SMARCA2: variants seen among roughly 807,000 people sequenced by gnomAD.
The protein encoded by SMARCA2 is SWI/SNF-related matrix-associated actin-dependent regulator of chromatin subfamily A member 2.
In SMARCA2, 61 loss-of-function variants were observed where a neutral mutation model predicts 199.8. The ratio of observed to expected loss-of-function variants is 0.31; its 90% confidence interval spans 0.25 to 0.38. SMARCA2 has a LOEUF of 0.38. SMARCA2 is among the 10% of genes least tolerant of loss of function. The pLI, the probability that SMARCA2 is intolerant of heterozygous loss-of-function variation, is 1.00. For missense variants in SMARCA2, 1,344 were observed against 2,012.2 expected (o/e 0.67, Z 6.35); for synonymous variants, 935 against 732.0 (o/e 1.28, Z -4.48).
intron 4 of SMARCA2, chr9:2,040,159 C>A (rs369124450): frequency 9.7e-6 from 7 of 720,364 alleles, no homozygotes; most frequent in Non-Finnish European, 1.3e-5. Context: ...TGTGATTTTG[C>A]GTTCTCTTTG....
At chr9:2,028,920 A>G in intron 1 of SMARCA2, 67 bp from the exon 2 acceptor site, 2 of 1,304,782 alleles carry the variant, frequency 1.5e-6, no homozygotes, top group Non-Finnish European at 1.1e-6. Context: ...AATGCTAACA[A>G]TTGTTTTATT....
At chr9:2,051,153 GAT>G (rs1333242547) in intron 5 of SMARCA2, among the ~76,000 whole-genome samples, 1 of 152,164 alleles carries the variant, frequency 6.6e-6, no homozygotes, top group African/African-American at 2.4e-5. Context: ...CATCAACAAA[GAT>G]ATAATCTTCT....
intron 27 of SMARCA2, among the ~76,000 whole-genome samples, chr9:2,142,668 T>A (rs1411547010): frequency 6.6e-6 from 1 of 152,182 alleles, no homozygotes; most frequent in East Asian, 1.9e-4. Context: ...GATTGTGTAG[T>A]TACTAGTTAA....
rs1334970055 is a variant in SMARCA2, at chr9:2,123,534, G to T, written c.3763-185G>T. 6.6e-6 allele frequency among the ~76,000 whole-genome samples: 1 copy of T among 152,138 alleles called. No homozygotes were observed. Among genetic ancestry groups the T allele is most frequent in the African/African-American group, 2.4e-5 (1 of 41,428 alleles). On this transcript the variant is annotated intron_variant, in intron 26 of 33. Coordinates refer to ENST00000349721, the MANE Select transcript of SMARCA2 (RefSeq NM_003070.5). This position sits in a 1 kb window ranked among gnomAD's most constrained non-coding sequence, Gnocchi z 4.1. The stretch of plus-strand genomic sequence containing the variant: ...AAGGTGGGTACAGAAAAAGGGAGGG[G>T]ATTTTACTTAATGGAATCTCTCCCT...
At position 2,149,667 on chromosome 9, in the gene SMARCA2, G is replaced by T. The variant is rs181888406; in HGVS notation, c.3982-12019G>T. Among the ~76,000 whole-genome samples the T allele has an allele frequency of 3.4e-4, 52 of 151,684 alleles. 1 individual carries two copies. The highest frequency in any genetic ancestry group is 5.2e-4 in the Non-Finnish European group (35 of 67,716). ...TTCGCACAACATGTGGGAATTATGG[G>T]AGTACAATTCAAGATGAGATTTGGG... On this transcript the variant is annotated intron_variant, in intron 27 of 33. Transcript: ENST00000349721.
At chr9:2,133,287 T>G (rs1563791171) in intron 27 of SMARCA2, among the ~76,000 whole-genome samples, 1 of 152,124 alleles carries the variant, frequency 6.6e-6, no homozygotes, top group Non-Finnish European at 1.5e-5. Context: ...CAAGATTTGG[T>G]TTTTGACGTT....
intron 27 of SMARCA2, among the ~76,000 whole-genome samples, chr9:2,143,405 T>G (rs1368209473): frequency 6.6e-6 from 1 of 152,192 alleles, no homozygotes; most frequent in African/African-American, 2.4e-5. Context: ...TGAGCGTATT[T>G]GAAATGAGAG....
intron 29 of SMARCA2, among the ~76,000 whole-genome samples, chr9:2,175,063 C>T (rs186514487): frequency 6.6e-5 from 10 of 151,126 alleles, no homozygotes; most frequent in South Asian, 2.1e-4. Flanking sequence ...GCGCGTGTAA[C>T]GTCTACAAGG....
intron 5 of SMARCA2, among the ~76,000 whole-genome samples, chr9:2,052,602 C>G (rs1820172760): frequency 6.6e-6 from 1 of 152,162 alleles, no homozygotes; most frequent in South Asian, 2.1e-4. Flanking sequence ...AAGAATCAGT[C>G]TTAGATACTA....
At chr9:2,149,086 C>A (rs141759628) in intron 27 of SMARCA2, among the ~76,000 whole-genome samples, 1 of 151,112 alleles carries the variant, frequency 6.6e-6, no homozygotes, top group Non-Finnish European at 1.5e-5. Flanking sequence ...CTGATAAAGA[C>A]ATACCTGAGA....
intron 29 of SMARCA2, among the ~76,000 whole-genome samples, chr9:2,180,309 G>A (rs1294433856): frequency 6.6e-6 from 1 of 152,178 alleles, no homozygotes; most frequent in Non-Finnish European, 1.5e-5. Context: ...AGGATTTTCG[G>A]TTAATTTATG....
chr9:2,161,415 AATATTTGTCAT>A lies in SMARCA2; in HGVS notation c.3982-268_3982-258del, dbSNP rs1440482373. On this transcript the variant is annotated intron_variant, in intron 27 of 33. Transcript: ENST00000349721. The surrounding 1 kb of genome is among the most constrained non-coding windows in gnomAD (Gnocchi z 4.7). Reference sequence around the variant, plus strand: ...AAACACTTGAATTTATAGATCTTTTAATATTTGTCATATTCTCCTTTACTGTGAGTGTTTTG... The same window carrying A: ...AAACACTTGAATTTATAGATCTTTTAATTCTCCTTTACTGTGAGTGTTTTG... Among the ~76,000 whole-genome samples the A allele has an allele frequency of 6.6e-6, 1 of 152,126 alleles. No individual in the cohort carries two copies. The highest frequency in any genetic ancestry group is 1.5e-5 in the Non-Finnish European group (1 of 68,036).
At chr9:2,105,174 C>G (rs75050840) in intron 23 of SMARCA2, among the ~76,000 whole-genome samples, 1,917 of 152,094 alleles carry the variant, frequency 0.013, 25 homozygotes, top group African/African-American at 0.044. Flanking sequence ...TCTTTATGGT[C>G]TGCCTCTTAG....
At chr9:2,160,312 C>G in intron 27 of SMARCA2, 1 of 395,138 alleles carries the variant, frequency 2.5e-6, no homozygotes. Flanking sequence ...TGGAAATTGT[C>G]TTTTGATTAT....
At chr9:2,053,241 C>A (rs532473822) in intron 5 of SMARCA2, among the ~76,000 whole-genome samples, 1 of 152,176 alleles carries the variant, frequency 6.6e-6, no homozygotes, top group African/African-American at 2.4e-5. Context: ...TTTTCTGTTC[C>A]GGCATTAATT....
intron 31 of SMARCA2, among the ~76,000 whole-genome samples, chr9:2,184,872 C>G (rs1269596904): frequency 1.3e-5 from 2 of 152,006 alleles, no homozygotes; most frequent in Admixed American, 1.3e-4. Context: ...CGCGCGGGTC[C>G]TTTGTTCTGT....
At chr9:2,049,005 T>C (rs1372317277) in intron 5 of SMARCA2, among the ~76,000 whole-genome samples, 1 of 152,210 alleles carries the variant, frequency 6.6e-6, no homozygotes, top group Non-Finnish European at 1.5e-5. Context: ...TCTGACTTCC[T>C]AAGAGCTGAT....
intron 1 of SMARCA2, among the ~76,000 whole-genome samples, chr9:2,023,725 G>A (rs1277284817): frequency 2.6e-5 from 4 of 152,082 alleles, no homozygotes; most frequent in African/African-American, 7.2e-5. Context: ...TACCCACCCC[G>A]CACTGCTTCC....
At chr9:2,030,861 C>T (rs188703497) in intron 2 of SMARCA2, among the ~76,000 whole-genome samples, 4 of 152,098 alleles carry the variant, frequency 2.6e-5, no homozygotes, top group Admixed American at 2.6e-4. Context: ...TAGGGTAGGG[C>T]ATCAGAGCCC....
Sources: allele counts gnomAD v4.1 joint callset (sites outside exome capture counted in the v4.1 genomes callset), GRCh38; gene constraint gnomAD v4.1.1; non-coding constraint Gnocchi (gnomAD v3.1); transcripts MANE v1.5; gene names NCBI Gene and HGNC (gene_info 2026-07-23, HGNC 2026-07-21).